Variants in SLC9B1 observed in about 807,000 individuals in gnomAD.
SLC9B1 encodes the protein sodium/hydrogen exchanger 9B1.
SLC9B1 carries 32 observed loss-of-function variants against 51.7 expected under a neutral mutation model. That is an observed-to-expected ratio of 0.62 (90% confidence interval 0.47 to 0.83). The LOEUF (loss-of-function observed/expected upper bound fraction) is 0.83. SLC9B1 is among the 40% of genes least tolerant of loss of function. The pLI is 0.00. For missense variants in SLC9B1, 406 were observed against 613.2 expected, an observed-to-expected ratio of 0.66 and a Z score of 3.57; for synonymous variants, 145 against 212.7, an observed-to-expected ratio of 0.68 and a Z score of 2.77.
intron 7 of SLC9B1, among the ~76,000 whole-genome samples, chr4:102,920,457 C>T (rs1735808313): frequency 1.3e-5 from 2 of 152,122 alleles, no homozygotes; most frequent in African/African-American, 4.8e-5. Context: ...AGGGATAAAC[C>T]AGAGCAGAAA....
chr4:102,959,784 G>A (rs896679342), intron 3 of SLC9B1, among the ~76,000 whole-genome samples: 3 of 151,904 alleles, frequency 2.0e-5, no homozygotes, highest in African/African-American at 7.3e-5. Flanking sequence ...AATGGAGAGT[G>A]GTTACAAACT....
At chr4:102,892,388 TAA>T (rs1203793021) in intron 11 of SLC9B1, 1 of 152,210 alleles carries the variant, frequency 6.6e-6, no homozygotes, top group Non-Finnish European at 1.5e-5. Context: ...TCCAATTTAG[TAA>T]AGTCATGTTG....
chr4:102,934,263 T>C (rs1183469711), intron 6 of SLC9B1, among the ~76,000 whole-genome samples: 1 of 152,094 alleles, frequency 6.6e-6, no homozygotes, highest in Non-Finnish European at 1.5e-5. Context: ...AAGGGTAAAA[T>C]AGTTAAAACT....
intron 1 of SLC9B1, among the ~76,000 whole-genome samples, chr4:102,995,756 A>G (rs554588445): frequency 6.6e-6 from 1 of 152,272 alleles, no homozygotes; most frequent in East Asian, 1.9e-4. Context: ...TAACTGTGGG[A>G]AGTGATTTAT....
At chr4:103,012,271 A>G (rs1315323990) in intron 1 of SLC9B1, among the ~76,000 whole-genome samples, 2 of 152,226 alleles carry the variant, frequency 1.3e-5, no homozygotes, top group African/African-American at 4.8e-5. Flanking sequence ...GGTGGAATTC[A>G]GCCAAGTTCT....
intron 1 of SLC9B1, among the ~76,000 whole-genome samples, chr4:103,018,193 A>T (rs1231883348): frequency 6.6e-6 from 1 of 152,232 alleles, no homozygotes; most frequent in Non-Finnish European, 1.5e-5. Flanking sequence ...GAAGTACTAT[A>T]AAAACGATAC....
At chr4:102,889,899 G>C (rs549078128) in intron 11 of SLC9B1, 7 of 152,018 alleles carry the variant, frequency 4.6e-5, no homozygotes, top group African/African-American at 1.7e-4. Flanking sequence ...GAGGATAAGT[G>C]GTAAAAGAAA....
In SLC9B1 at chr4:102,949,419, GTATAAC is replaced by G; in HGVS notation, c.214_219del (p.Val72_Ile73del). The stretch of plus-strand genomic sequence containing the variant: ...CAGGTCATACACCATATCACAAACA[GTATAAC>G]TCCTGAAATACAAAAAAGTGTACAG... On this transcript the variant is annotated inframe_deletion and splice_region_variant, in exon 4 of 12. Coordinates refer to ENST00000296422, the MANE Select transcript of SLC9B1 (RefSeq NM_139173.4). 1 of 1,578,122 alleles carries G rather than the reference GTATAAC, an allele frequency of 6.3e-7. No homozygotes were observed. The highest frequency in any genetic ancestry group is 8.6e-7 in the Non-Finnish European group (1 of 1,168,272).
At chr4:102,892,260 G>A (rs1734284163) in intron 11 of SLC9B1, 1 of 152,108 alleles carries the variant, frequency 6.6e-6, no homozygotes, top group Non-Finnish European at 1.5e-5. Flanking sequence ...GTCTCACTGT[G>A]TTACCCAGGC....
chr4:102,989,061 G>A (rs935256194), intron 3 of SLC9B1, among the ~76,000 whole-genome samples: 1 of 151,850 alleles, frequency 6.6e-6, no homozygotes. Context: ...TTTGATTCAA[G>A]GCCATCAATA....
intron 1 of SLC9B1, among the ~76,000 whole-genome samples, chr4:103,004,141 T>C (rs1740667291): frequency 6.6e-6 from 1 of 152,100 alleles, no homozygotes; most frequent in Non-Finnish European, 1.5e-5. Context: ...GAAATGAACA[T>C]TGACATTCAG....
At chr4:102,990,188 T>C (rs572086866) in intron 2 of SLC9B1, among the ~76,000 whole-genome samples, 2 of 152,150 alleles carry the variant, frequency 1.3e-5, no homozygotes, top group Non-Finnish European at 2.9e-5. Flanking sequence ...CATTTGTGTA[T>C]ACTGAATAAA....
chr4:102,917,332 G>A (rs1253771505), intron 7 of SLC9B1, among the ~76,000 whole-genome samples: 1 of 152,002 alleles, frequency 6.6e-6, no homozygotes, highest in African/African-American at 2.4e-5. Flanking sequence ...CTTATAGATG[G>A]CCTATTGTGG....
At chr4:103,008,690 A>G (rs2110538643) in intron 1 of SLC9B1, among the ~76,000 whole-genome samples, 1 of 151,934 alleles carries the variant, frequency 6.6e-6, no homozygotes, top group African/African-American at 2.4e-5. Flanking sequence ...ACCCTGATAC[A>G]TCATATTGAG....
chr4:102,951,458 T>C (rs1295154224), intron 3 of SLC9B1, among the ~76,000 whole-genome samples: 6 of 152,086 alleles, frequency 3.9e-5, no homozygotes, highest in Non-Finnish European at 2.9e-5. Context: ...ATAGACACTA[T>C]AAAATATGTA....
chr4:102,972,744 A>G (rs1488338392), intron 3 of SLC9B1, among the ~76,000 whole-genome samples: 1 of 152,224 alleles, frequency 6.6e-6, no homozygotes, highest in East Asian at 1.9e-4. Context: ...CAAAATGTGC[A>G]TTTAAAATAA....
At chr4:102,898,326 A>T (rs1400735129), downstream of SLC9B1, 2 of 323,564 alleles carry the variant, frequency 6.2e-6, no homozygotes, top group Non-Finnish European at 1.2e-5. Context: ...TATGGAAAAA[A>T]TTTGTAAAGT....
At chr4:103,000,012 G>GA (rs1740436207) in intron 1 of SLC9B1, among the ~76,000 whole-genome samples, 3 of 152,104 alleles carry the variant, frequency 2.0e-5, no homozygotes, top group Non-Finnish European at 4.4e-5. Flanking sequence ...TGCAAGCAGG[G>GA]GAAAATGCCA....
intron 3 of SLC9B1, among the ~76,000 whole-genome samples, chr4:102,985,610 G>A (rs765733086): frequency 2.7e-5 from 4 of 148,084 alleles, no homozygotes; most frequent in South Asian, 2.2e-4. Flanking sequence ...TGCAACCTCC[G>A]TCTCCTGGGT....
Sources: gnomAD v4.1 joint callset for allele counts (sites outside exome capture counted in the v4.1 genomes callset) on GRCh38, gnomAD v4.1.1 for gene constraint, MANE v1.5 for transcripts, NCBI Gene and HGNC (gene_info 2026-07-23, HGNC 2026-07-21) for gene names.